The following SLC44A3 variants were observed in gnomAD, a reference collection of about 807,000 sequenced individuals.
The protein encoded by SLC44A3 is solute carrier family 44 member 3, also known as choline transporter-like protein 3.
In SLC44A3, 74 loss-of-function variants were observed where a neutral mutation model predicts 75.4. The observed-to-expected ratio is 0.98, with a 90% CI of 0.81 to 1.19. The LOEUF is 1.19. Ranked by LOEUF, SLC44A3 falls within the 50% of genes most tolerant of loss-of-function variation. SLC44A3 has a pLI of 0.00. For synonymous variants in SLC44A3, 310 were observed against 296.9 expected (o/e 1.04, Z -0.45); for missense variants, 700 against 778.6 (o/e 0.90, Z 1.20).
intron 14 of SLC44A3, among the ~76,000 whole-genome samples, chr1:94,893,773 A>G (rs1670477187): frequency 6.6e-6 from 1 of 152,168 alleles, no homozygotes; most frequent in South Asian, 2.1e-4. Flanking sequence ...CCAGGTCTCC[A>G]TCCCCTGATT....
intron 12 of SLC44A3, among the ~76,000 whole-genome samples, chr1:94,873,769 TC>T (rs1488232590): frequency 6.6e-6 from 1 of 152,220 alleles, no homozygotes; most frequent in Non-Finnish European, 1.5e-5. Context: ...CAGTGACTCC[TC>T]CTTTCTGCTC....
chr1:94,820,668 G>A (rs1033680328), intron 1 of SLC44A3, 190 bp downstream of exon 1: 5 of 1,382,366 alleles, frequency 3.6e-6, no homozygotes, highest in Non-Finnish European at 9.3e-7. Context: ...GGCGGAGGCG[G>A]GGGAGACGCG....
At chr1:94,862,408 T>A (rs1666682446) in intron 10 of SLC44A3, among the ~76,000 whole-genome samples, 1 of 152,226 alleles carries the variant, frequency 6.6e-6, no homozygotes, top group Admixed American at 6.5e-5. Context: ...CTTGCCTGGC[T>A]GTATGCACTC....
In SLC44A3 at chr1:94,839,934, G is replaced by T. The variant is rs1376571163; in HGVS notation, c.671-14G>T. On this transcript the variant is annotated splice_polypyrimidine_tract_variant and intron_variant, in intron 6 of 14. Transcript: ENST00000271227. The stretch of plus-strand genomic sequence containing the variant: ...GTTGCTATTGAGGTTTATGTGTTTT[G>T]CTTAATTTTTCAGCCTTGTCTTTGG... The T allele has an allele frequency of 6.2e-7, 1 of 1,605,856 alleles. No homozygotes were observed. Among genetic ancestry groups the T allele is most frequent in the Non-Finnish European group, 8.5e-7 (1 of 1,172,650 alleles).
chr1:94,868,136 T>C (rs12032960), intron 12 of SLC44A3, among the ~76,000 whole-genome samples: 34,406 of 152,144 alleles, frequency 0.23, 4,016 homozygotes, highest in African/African-American at 0.29. Context: ...TTTTTCAAAT[T>C]GATGGAAATT....
At chr1:94,893,537 C>T (rs1025365166) in intron 14 of SLC44A3, among the ~76,000 whole-genome samples, 5 of 151,924 alleles carry the variant, frequency 3.3e-5, no homozygotes, top group Non-Finnish European at 5.9e-5. Context: ...TGCACCACCA[C>T]GCCTAATTTT....
At chr1:94,841,158 C>G (rs1031799751) in intron 7 of SLC44A3, among the ~76,000 whole-genome samples, 2 of 152,272 alleles carry the variant, frequency 1.3e-5, no homozygotes, top group East Asian at 3.9e-4. Flanking sequence ...ATACGGTTGG[C>G]AGCTGTAACA....
At chr1:94,821,864 T>C (rs1429169256) in intron 2 of SLC44A3, among the ~76,000 whole-genome samples, 1 of 152,166 alleles carries the variant, frequency 6.6e-6, no homozygotes, top group Non-Finnish European at 1.5e-5. Flanking sequence ...TAAAATATCA[T>C]GTTTGTTCTT....
chr1:94,885,337 C>A (rs1430319477), intron 12 of SLC44A3, among the ~76,000 whole-genome samples: 1 of 150,906 alleles, frequency 6.6e-6, no homozygotes, highest in Non-Finnish European at 1.5e-5. Flanking sequence ...CCGAGGGTGA[C>A]TGGCCACGAA....
chr1:94,835,320 C>T (rs1484160566), intron 5 of SLC44A3, among the ~76,000 whole-genome samples: 2 of 151,930 alleles, frequency 1.3e-5, no homozygotes, highest in Non-Finnish European at 2.9e-5. Context: ...AAAGAGGAGA[C>T]GTGACAATAA....
intron 12 of SLC44A3, among the ~76,000 whole-genome samples, chr1:94,877,197 C>A (rs1377774557): frequency 7.1e-6 from 1 of 140,252 alleles, no homozygotes; most frequent in African/African-American, 2.5e-5. Flanking sequence ...CCTCTTCCCC[C>A]AGCCCAGGAG....
chr1:94,855,746 T>G (rs1304922180), intron 9 of SLC44A3, among the ~76,000 whole-genome samples: 1 of 152,204 alleles, frequency 6.6e-6, no homozygotes, highest in Non-Finnish European at 1.5e-5. Context: ...AGCACGGATA[T>G]CCTCCCCTTT....
chr1:94,845,534 C>A (rs909115086), intron 9 of SLC44A3, 70 bp downstream of exon 9: 44 of 1,458,706 alleles, frequency 3.0e-5, no homozygotes, highest in Non-Finnish European at 4.0e-5. Context: ...GAACCACTGG[C>A]CTGTTTCTGT....
chr1:94,872,730 G>A (rs1050326008), intron 12 of SLC44A3, among the ~76,000 whole-genome samples: 3 of 152,202 alleles, frequency 2.0e-5, no homozygotes, highest in Non-Finnish European at 4.4e-5. Flanking sequence ...CCTTGTCATG[G>A]CATCCAGCCC....
chr1:94,864,722 T>C, intron 10 of SLC44A3, 21 bp from the exon 11 acceptor site: 1 of 1,607,256 alleles, frequency 6.2e-7, no homozygotes, highest in Non-Finnish European at 8.5e-7. Context: ...TTTAAAATGC[T>C]ATCCTTTTCC....
chr1:94,834,470 G>T (rs1006899608), intron 5 of SLC44A3, among the ~76,000 whole-genome samples: 1 of 152,040 alleles, frequency 6.6e-6, no homozygotes, highest in African/African-American at 2.4e-5. Flanking sequence ...TAAATAAATG[G>T]GGGGAAGGGA....
intron 12 of SLC44A3, among the ~76,000 whole-genome samples, chr1:94,882,028 A>C (rs1284924855): frequency 2.0e-5 from 3 of 151,970 alleles, no homozygotes; most frequent in Admixed American, 6.6e-5. Flanking sequence ...TAAAAAAAAA[A>C]CAAAAAAACA....
chr1:94,820,559 C>G, intron 1 of SLC44A3, 81 bp downstream of exon 1: 5 of 1,442,432 alleles, frequency 3.5e-6, no homozygotes, highest in Non-Finnish European at 4.6e-6. Context: ...CCTTCCCTGC[C>G]GGACGCTTCC....
At chr1:94,892,801 G>A (rs1232651465) in intron 14 of SLC44A3, among the ~76,000 whole-genome samples, 1 of 152,228 alleles carries the variant, frequency 6.6e-6, no homozygotes, top group Non-Finnish European at 1.5e-5. Context: ...GGCAGAAGAT[G>A]TCCTGAACAC....
Sources: allele counts gnomAD v4.1 joint callset (sites outside exome capture counted in the v4.1 genomes callset), GRCh38; gene constraint gnomAD v4.1.1; transcripts MANE v1.5; gene names NCBI Gene and HGNC (gene_info 2026-07-23, HGNC 2026-07-21).